The following EEF1D variants were observed in gnomAD, a reference collection of about 807,000 sequenced individuals.
EEF1D encodes eukaryotic translation elongation factor 1 delta.
EEF1D carries 47 observed loss-of-function variants against 63.9 expected under a neutral mutation model. That is an observed-to-expected ratio of 0.74 (90% CI 0.58 to 0.94). The LOEUF (loss-of-function observed/expected upper bound fraction) is 0.94, where lower values mean the gene tolerates loss of function less well. EEF1D is among the 40% of genes least tolerant of loss of function. The probability of loss-of-function intolerance (pLI) is 0.00; values close to 1 mark genes in which losing one functional copy is unlikely to be tolerated. For missense variants in EEF1D, 907 were observed against 899.0 expected, an observed-to-expected ratio of 1.01 and a Z score of -0.11; for synonymous variants, 412 against 386.1, an observed-to-expected ratio of 1.07 and a Z score of -0.79.
intron 1 of EEF1D, chr8:143,597,059 C>G (rs1312151521): frequency 1.3e-5 from 2 of 152,228 alleles, no homozygotes; most frequent in African/African-American, 4.8e-5. Context: ...TAGGCCCCAG[C>G]AGCCTGGCCG....
intron 5 of EEF1D, chr8:143,581,588 G>GGCT (rs1004386508): frequency 2.2e-5 from 12 of 554,698 alleles, no homozygotes; most frequent in African/African-American, 1.9e-4. Context: ...GCTGGGCCAT[G>GGCT]GCTGCTGCTG....
chr8:143,586,372 G>A (rs2130983088), intron 4 of EEF1D, 82 bp from the exon 5 acceptor site: 4 of 1,289,880 alleles, frequency 3.1e-6, no homozygotes, highest in Admixed American at 5.4e-5. Context: ...AAAACCCCAT[G>A]AACCCTCACA....
In EEF1D at chr8:143,589,645, C is replaced by A; in HGVS notation, c.437G>T (p.Gly146Val). ...AAWPPALAPW[G>V]LCTHGNQVAC... ...CACCTGGTTTCCATGGGTGCAGAGA[C>A]CCCAAGGGGCCAAGGCAGGAGGCCA... The change falls in exon 3 of 10, where the codon GGT becomes GTT. Residue 146 changes from glycine to valine, a missense_variant. Physicochemically the swap from Gly to Val is moderately radical, Grantham distance 109. Coordinates refer to ENST00000618139, the MANE Select transcript of EEF1D (RefSeq NM_001130053.5). 5 of 1,542,010 alleles carry A rather than the reference C, an allele frequency of 3.2e-6. No homozygotes were observed. Among genetic ancestry groups the A allele is most frequent in the Middle Eastern group, 3.5e-4 (2 of 5,736 alleles).
At chr8:143,580,259 G>A in intron 8 of EEF1D, 53 bp from the exon 9 acceptor site, 1 of 1,568,796 alleles carries the variant, frequency 6.4e-7, no homozygotes, top group Non-Finnish European at 8.7e-7. Flanking sequence ...GAACACCCAG[G>A]AAGTACCTGC....
At chr8:143,597,043 A>G (rs1397084023) in intron 1 of EEF1D, 2 of 152,194 alleles carry the variant, frequency 1.3e-5, no homozygotes, top group East Asian at 3.9e-4. Flanking sequence ...CAGCAAACAC[A>G]GGCCTTAGGC....
At chr8:143,594,331 G>A (rs1412529673) in intron 1 of EEF1D, 2 of 152,350 alleles carry the variant, frequency 1.3e-5, no homozygotes, top group African/African-American at 4.8e-5. Context: ...TGACACAGGT[G>A]GCAGCCAGCA....
chr8:143,589,514 C>A lies in EEF1D; in HGVS notation c.568G>T (p.Gly190Cys). ...TTGGGAGTCCCCTGCCTGCGGCTGC[C>A]GTCGGGGGCCAGCAACAGGGCCTGA... is the stretch of plus-strand genomic sequence containing the variant. Reference protein sequence around the residue: ...WSQALLLAPDGSRRQGTPNTG... With the variant: ...WSQALLLAPDCSRRQGTPNTG... The change falls in exon 3 of 10, where the codon GGC becomes TGC. Residue 190 changes from glycine to cysteine, a missense_variant. Transcript: ENST00000618139. 4 of 1,514,516 alleles carry A rather than the reference C, an allele frequency of 2.6e-6. No homozygotes were observed. The highest frequency in any genetic ancestry group is 2.6e-5 in the South Asian group (2 of 77,000). 93.8% of individuals were successfully genotyped at this position (1,514,516 alleles called of 1,614,324 possible).
Position 143,580,555 on chromosome 8 carries a change from T to C in EEF1D, c.1661A>G (p.Lys554Arg). The change falls in exon 8 of 10, where the codon AAG becomes AGG. Residue 554 changes from lysine (K) to arginine (R), a missense_variant. Coordinates refer to ENST00000618139, the MANE Select transcript of EEF1D (RefSeq NM_001130053.5). ...RLRQYAEKKA[K>R]KPALVAKSSI... ...GGACTTGGCCACCAGTGCAGGCTTC[T>C]TGGCCTTCTTCTCCGCGTACTGCCG... is the stretch of plus-strand genomic sequence containing the variant. 6.2e-7 allele frequency: 1 copy of C among 1,613,184 alleles called. No individual in the cohort carries two copies. Among genetic ancestry groups the C allele is most frequent in the South Asian group, 1.1e-5 (1 of 91,060 alleles).
rs373012602 is a variant in EEF1D at position 143,589,593 on chromosome 8, G to C, written c.489C>G (p.Ile163Met). 2.6e-6 allele frequency: 4 copies of C among 1,523,264 alleles called. No individual in the cohort carries two copies. The African/African-American group carries it at 5.6e-5, about 21-fold the overall frequency. The allele number at this position is 1,523,264 out of a possible 1,614,324, so 94.4% of individuals were successfully genotyped here. A position where few individuals can be genotyped will look rare whatever the true frequency, so the allele number is the denominator to read the frequency against. ...GGTCGAAGGAGGACTTGTTGACCCA[G>C]ATCCCCCAGGTCACGTGGTGGCAGG... ...QVACHHVTWG[I>M]WVNKSSFDQA... Residue 163 changes from isoleucine (I) to methionine (M), a missense_variant, in exon 3 of 10, where the codon ATC (isoleucine) becomes ATG (methionine). Physicochemically the swap from Ile to Met is conservative, Grantham distance 10. Coordinates refer to ENST00000618139, the MANE Select transcript of EEF1D (RefSeq NM_001130053.5).
chr8:143,590,280 G>T, intron 2 of EEF1D, 199 bp from the exon 3 acceptor site: 2 of 836,582 alleles, frequency 2.4e-6, no homozygotes, highest in South Asian at 1.7e-5. Flanking sequence ...GGGACGTTTT[G>T]TTGTGAAGAG....
chr8:143,586,030 G>A (rs1262334459), intron 5 of EEF1D, 189 bp downstream of exon 5: 5 of 511,474 alleles, frequency 9.8e-6, no homozygotes, highest in South Asian at 3.5e-5. Flanking sequence ...GAAGGGACGC[G>A]AGAATAAGAA....
Position 143,588,777 on chromosome 8 carries a change from G to C in EEF1D, c.1091+214C>G, listed in dbSNP as rs2131087698. ...TCCCTGCCCTCATCCAGGCAGCCTGGAACTTTGTAACCTCAAGCAGTGTCC... is the reference window on the plus strand; with the variant it reads ...TCCCTGCCCTCATCCAGGCAGCCTGCAACTTTGTAACCTCAAGCAGTGTCC... On this transcript the variant is annotated intron_variant, in intron 3 of 9. Transcript: ENST00000618139. 1.8e-5 allele frequency: 12 copies of C among 662,286 alleles called. No homozygotes were observed. The South Asian group carries it at 2.2e-4, about 12-fold the overall frequency. The allele number at this position is 662,286 out of a possible 1,614,324, so 41.0% of individuals were successfully genotyped here. A position where few individuals can be genotyped will look rare whatever the true frequency, so the allele number is the denominator to read the frequency against.
intron 1 of EEF1D, among the ~76,000 whole-genome samples, chr8:143,593,284 G>GGA (rs1828276657): frequency 3.3e-5 from 5 of 152,162 alleles, no homozygotes; most frequent in Non-Finnish European, 7.4e-5. Flanking sequence ...CCCACAATGT[G>GGA]CACACAAGGA....
At chr8:143,597,102 C>T (rs918804464) in intron 1 of EEF1D, 3 of 152,174 alleles carry the variant, frequency 2.0e-5, no homozygotes, top group African/African-American at 7.2e-5. Context: ...CGCCGTGAGA[C>T]AGTGCTCCCG....
rs1827632161 is a variant in EEF1D, at chr8:143,589,975, G to A, written c.107C>T (p.Ala36Val). The part of the protein sequence containing the change: ...RFYEHEATQA[A>V]ASAQQLPAEG... Reference sequence around the variant, plus strand: ...GGCTGGCAGCTGCTGGGCGGAGGCGGCCGCCTGTGTGGCCTCGTGTTCGTA... The same window carrying A: ...GGCTGGCAGCTGCTGGGCGGAGGCGACCGCCTGTGTGGCCTCGTGTTCGTA... Residue 36 changes from alanine to valine, a missense_variant, in exon 3 of 10, where the codon GCC becomes GTC. Physicochemically the swap from Ala to Val is moderately conservative, Grantham distance 64. Coordinates refer to ENST00000618139, the MANE Select transcript of EEF1D (RefSeq NM_001130053.5). 1 of 1,599,054 alleles carries A rather than the reference G, an allele frequency of 6.3e-7. No individual in the cohort carries two copies.
At position 143,580,162 on chromosome 8, in the gene EEF1D, G is replaced by C; in HGVS notation, c.1755C>G (p.Arg585=). The change falls in exon 9 of 10, where the codon CGC becomes CGG. Residue 585 remains arginine (R), a synonymous_variant. Transcript: ENST00000618139. The part of the protein sequence containing the change: ...TDMAQLEACV[R]SIQLDGLVWG... ...AGACCAGCCCGTCCAGCTGGATAGA[G>C]CGCACACAGGCCTCCAGCTGGGCCA... The C allele has an allele frequency of 6.2e-7, 1 of 1,613,756 alleles. No homozygotes were observed. The highest frequency in any genetic ancestry group is 1.1e-5 in the South Asian group (1 of 91,082).
At position 143,594,015 on chromosome 8, in the gene EEF1D, C is replaced by T. The variant is rs1000939598; in HGVS notation, c.-14-1355G>A. ...ACACAGCGACTCTTTCAACTGCGTC[C>T]CGACAAACGGTCAGCCCCTTCGCTC... On this transcript the variant is annotated intron_variant, in intron 1 of 9. Coordinates refer to ENST00000618139, the MANE Select transcript of EEF1D (RefSeq NM_001130053.5). The T allele has an allele frequency of 6.9e-5, 48 of 697,648 alleles. No homozygotes were observed. In the African/African-American group the frequency reaches 8.5e-4, roughly 12 times the overall value. 43.2% of individuals were successfully genotyped at this position (697,648 alleles called of 1,614,324 possible).
chr8:143,585,804 A>G (rs1826472102), intron 5 of EEF1D, among the ~76,000 whole-genome samples: 1 of 152,214 alleles, frequency 6.6e-6, no homozygotes, highest in South Asian at 2.1e-4. Flanking sequence ...TGCGCCTTGC[A>G]GAACCACCAC....
intron 4 of EEF1D, among the ~76,000 whole-genome samples, 194 bp from the exon 5 acceptor site, chr8:143,586,484 G>A (rs755602465): frequency 3.9e-5 from 6 of 152,252 alleles, no homozygotes; most frequent in East Asian, 1.9e-4. Flanking sequence ...CCATGTCTGC[G>A]GGGGAAGGAG....
Sources: gnomAD v4.1 joint callset for allele counts (sites outside exome capture counted in the v4.1 genomes callset) on GRCh38, gnomAD v4.1.1 for gene constraint, MANE v1.5 for transcripts, NCBI Gene and HGNC (gene_info 2026-07-23, HGNC 2026-07-21) for gene names.